Variants in DCDC1 observed in about 807,000 individuals in gnomAD.
DCDC1 encodes the protein doublecortin domain containing 1.
A neutral mutation model predicts 178.3 loss-of-function variants in DCDC1; 200 were observed. That is an observed-to-expected ratio of 1.12 (90% confidence interval 1.00 to 1.26). DCDC1 has a LOEUF of 1.26. Ranked by LOEUF, DCDC1 falls within the 50% of genes most tolerant of loss-of-function variation. The pLI, the probability that DCDC1 is intolerant of heterozygous loss-of-function variation, is 0.00. For missense variants in DCDC1, 1,983 were observed against 1,749.2 expected, an observed-to-expected ratio of 1.13 and a Z score of -2.38; for synonymous variants, 690 against 604.8, an observed-to-expected ratio of 1.14 and a Z score of -2.07.
chr11:31,101,920 T>C (rs887850892), intron 15 of DCDC1, among the ~76,000 whole-genome samples: 10 of 151,746 alleles, frequency 6.6e-5, no homozygotes, highest in Non-Finnish European at 1.3e-4. Context: ...CTACGAAAAG[T>C]ACAAAAATTA....
intron 1 of DCDC1, among the ~76,000 whole-genome samples, chr11:31,358,900 G>T (rs1239988079): frequency 6.6e-6 from 1 of 152,196 alleles, no homozygotes; most frequent in South Asian, 2.1e-4. Flanking sequence ...TCTCACACCA[G>T]TTAGAATGGC....
At chr11:31,324,778 T>C (rs1023421499) in intron 3 of DCDC1, among the ~76,000 whole-genome samples, 2 of 152,098 alleles carry the variant, frequency 1.3e-5, no homozygotes, top group Admixed American at 6.6e-5. Flanking sequence ...GGATCTAAGA[T>C]TCATTCCAAG....
intron 3 of DCDC1, among the ~76,000 whole-genome samples, chr11:31,312,171 C>A (rs1948810799): frequency 6.6e-6 from 1 of 152,136 alleles, no homozygotes; most frequent in South Asian, 2.1e-4. Context: ...GACTCTCATC[C>A]AGGCTAGGCA....
chr11:31,040,893 G>T (rs1954401407), intron 20 of DCDC1, among the ~76,000 whole-genome samples: 1 of 152,184 alleles, frequency 6.6e-6, no homozygotes, highest in African/African-American at 2.4e-5. Context: ...CTCCTCTGGG[G>T]TTGATGTGGT....
At chr11:31,103,345 T>C (rs1958627499) in intron 14 of DCDC1, among the ~76,000 whole-genome samples, 4 of 152,216 alleles carry the variant, frequency 2.6e-5, no homozygotes, top group Admixed American at 6.5e-5. Flanking sequence ...AAATGATTAA[T>C]TTAGAAATAA....
At chr11:30,874,434 T>A (rs541435997) in intron 38 of DCDC1, among the ~76,000 whole-genome samples, 27 of 152,254 alleles carry the variant, frequency 1.8e-4, no homozygotes, top group South Asian at 1.7e-3. Flanking sequence ...TTTTTTCTTT[T>A]TAAATGAAAG....
intron 21 of DCDC1, among the ~76,000 whole-genome samples, chr11:30,935,117 C>T (rs1204753349): frequency 6.6e-6 from 1 of 152,164 alleles, no homozygotes; most frequent in Non-Finnish European, 1.5e-5. Context: ...TATAGGATTG[C>T]ATTCTAAATT....
At chr11:31,354,406 T>C (rs1313108151) in intron 1 of DCDC1, among the ~76,000 whole-genome samples, 1 of 152,250 alleles carries the variant, frequency 6.6e-6, no homozygotes, top group Non-Finnish European at 1.5e-5. Context: ...TTCTCTTTCC[T>C]ATCAACTCTT....
At chr11:31,250,415 C>CACACACACATATATAT (rs1223526182) in intron 8 of DCDC1, among the ~76,000 whole-genome samples, 2 of 73,732 alleles carry the variant, frequency 2.7e-5, no homozygotes, top group African/African-American at 1.0e-4. Flanking sequence ...CACACACACA[C>CACACACACATATATAT]ATATACATAT....
At chr11:30,924,005 G>C (rs1946434823) in intron 23 of DCDC1, among the ~76,000 whole-genome samples, 1 of 152,034 alleles carries the variant, frequency 6.6e-6, no homozygotes, top group African/African-American at 2.4e-5. Flanking sequence ...CCATCTTCAT[G>C]TTACTCTTCA....
intron 9 of DCDC1, 77 bp from the exon 10 acceptor site, chr11:31,137,861 T>A: frequency 1.6e-6 from 1 of 633,938 alleles, no homozygotes; most frequent in South Asian, 1.8e-5. Flanking sequence ...AACAACTAGT[T>A]AAGCATAATC....
intron 1 of DCDC1, among the ~76,000 whole-genome samples, chr11:31,363,918 GA>G (rs1258365956): frequency 2.0e-5 from 3 of 152,132 alleles, no homozygotes; most frequent in African/African-American, 7.2e-5. Flanking sequence ...GTATTCTACT[GA>G]ATACATATTC....
At chr11:31,294,814 GAA>G (rs1324807757) in intron 6 of DCDC1, among the ~76,000 whole-genome samples, 1 of 76,944 alleles carries the variant, frequency 1.3e-5, no homozygotes, top group Non-Finnish European at 2.9e-5. Flanking sequence ...AAGAAAGAAA[GAA>G]AGAAAGAAAG....
chr11:31,038,213 T>TTATA (rs34004324), intron 20 of DCDC1, among the ~76,000 whole-genome samples: 4 of 150,296 alleles, frequency 2.7e-5, no homozygotes, highest in Non-Finnish European at 5.9e-5. Context: ...ACTTAAAGTA[T>TTATA]TATATATATA....
intron 20 of DCDC1, among the ~76,000 whole-genome samples, chr11:31,056,065 C>A (rs1234992908): frequency 6.6e-6 from 1 of 152,020 alleles, no homozygotes; most frequent in Non-Finnish European, 1.5e-5. Context: ...AGAGAAAGTG[C>A]ATATATGGAG....
chr11:31,138,172 C>T (rs1273253571), intron 9 of DCDC1, among the ~76,000 whole-genome samples: 1 of 151,972 alleles, frequency 6.6e-6, no homozygotes, highest in African/African-American at 2.4e-5. Flanking sequence ...GCTGTTATGT[C>T]GGGATAAGAA....
intron 33 of DCDC1, among the ~76,000 whole-genome samples, chr11:30,899,888 A>G (rs181453381): frequency 2.0e-5 from 3 of 152,292 alleles, no homozygotes; most frequent in Admixed American, 2.0e-4. Flanking sequence ...TGCAATAGCC[A>G]TATTTCATTT....
intron 38 of DCDC1, among the ~76,000 whole-genome samples, chr11:30,867,884 G>C (rs537039897): frequency 6.6e-6 from 1 of 152,250 alleles, no homozygotes; most frequent in Admixed American, 6.5e-5. Context: ...CAACTTTAGA[G>C]GAATCTGCTC....
At chr11:31,104,952 A>G (rs1422342251) in intron 13 of DCDC1, among the ~76,000 whole-genome samples, 1 of 152,120 alleles carries the variant, frequency 6.6e-6, no homozygotes, top group African/African-American at 2.4e-5. Context: ...TCAAAATAGA[A>G]GCGGACATCG....
Sources: allele counts gnomAD v4.1 joint callset (sites outside exome capture counted in the v4.1 genomes callset), GRCh38; gene constraint gnomAD v4.1.1; transcripts MANE v1.5; gene names NCBI Gene and HGNC (gene_info 2026-07-23, HGNC 2026-07-21).